Variants in PLEC observed in about 807,000 individuals in gnomAD.
PLEC encodes the protein hemidesmosomal protein 1.
Under a neutral mutation model 392.8 loss-of-function variants are expected in PLEC, and 216 were observed. The ratio of observed to expected loss-of-function variants is 0.55; its 90% CI spans 0.49 to 0.62. The LOEUF is 0.62. PLEC is among the 20% of genes least tolerant of loss of function. The pLI, the probability that PLEC is intolerant of heterozygous loss-of-function variation, is 0.00. For synonymous variants in PLEC, 3,621 were observed against 2,980.6 expected (o/e 1.21, Z -7.00); for missense variants, 6,863 against 6,563.4 (o/e 1.05, Z -1.58).
rs371090816 is a variant in PLEC, at chr8:143,921,971, G to T, written c.7850C>A (p.Ala2617Asp). ...GGTCTTTGTGGCAGCCACCTGCGAGGCAGTGACCTCCTCTGAGTGCGCCAG... is the reference window on the plus strand; with the variant it reads ...GGTCTTTGTGGCAGCCACCTGCGAGTCAGTGACCTCCTCTGAGTGCGCCAG... ...AALAHSEEVT[A>D]SQVAATKTLP... Residue 2617 changes from alanine to aspartate, a missense_variant, in exon 32 of 32, where the codon GCC (alanine) becomes GAC (aspartate). Coordinates refer to ENST00000345136, the MANE Select transcript of PLEC (RefSeq NM_201384.3). 4 of 1,598,718 alleles carry T rather than the reference G, an allele frequency of 2.5e-6. No individual in the cohort carries two copies. In the African/African-American group the frequency reaches 5.3e-5, roughly 21 times the overall value.
intron 12 of PLEC, among the ~76,000 whole-genome samples, chr8:143,933,791 C>T (rs1554719706): frequency 6.6e-6 from 1 of 152,204 alleles, no homozygotes; most frequent in African/African-American, 2.4e-5. Context: ...GGCCAGAAAC[C>T]AACTCTGCCC....
intron 1 of PLEC, chr8:143,944,874 G>A (rs1045065150): frequency 6.9e-5 from 34 of 492,124 alleles, no homozygotes; most frequent in Middle Eastern, 5.1e-4. Context: ...CGCAAGGACC[G>A]TCACCACCCA....
chr8:143,935,585 C>T (rs1386217960), intron 6 of PLEC, among the ~76,000 whole-genome samples: 1 of 152,210 alleles, frequency 6.6e-6, no homozygotes, highest in Non-Finnish European at 1.5e-5. Context: ...CAGGCCCCTC[C>T]GGAGGCGTCC....
intron 8 of PLEC, 32 bp from the exon 9 acceptor site, chr8:143,934,961 C>G (rs113289361): frequency 6.2e-7 from 1 of 1,610,372 alleles, no homozygotes; most frequent in African/African-American, 1.3e-5. Flanking sequence ...TGTCAGGGGT[C>G]GTCGGGGCGT....
In PLEC at chr8:143,923,192, C is replaced by T. The variant is rs1444747601; in HGVS notation, c.6737G>A (p.Arg2246His). The part of the protein sequence containing the change: ...QMEELSKLKA[R>H]IEAENRALIL... ...GAGTGCGCGGTTCTCAGCCTCGATG[C>T]GTGCCTTGAGCTTGCTCAGCTCCTC... The change falls in exon 31 of 32, where the codon CGC becomes CAC. Residue 2246 changes from arginine (R) to histidine (H), a missense_variant. By Grantham distance (29) the Arg-to-His change is conservative. Coordinates refer to ENST00000345136, the MANE Select transcript of PLEC (RefSeq NM_201384.3). The T allele has an allele frequency of 8.7e-6, 14 of 1,602,470 alleles. No individual in the cohort carries two copies. The highest frequency in any genetic ancestry group is 1.6e-4 in the Middle Eastern group (1 of 6,084).
intron 5 of PLEC, 71 bp from the exon 6 acceptor site, chr8:143,936,085 G>A (rs1321788033): frequency 6.4e-6 from 10 of 1,556,152 alleles, no homozygotes; most frequent in Non-Finnish European, 8.8e-6. Flanking sequence ...ACAGCCACAT[G>A]CACAGGGGCA....
chr8:143,918,496 G>A lies in PLEC; in HGVS notation c.11325C>T (p.Tyr3775=), dbSNP rs1554675449. 13 of 1,603,308 alleles carry A rather than the reference G, an allele frequency of 8.1e-6. No homozygotes were observed. Among genetic ancestry groups the A allele is most frequent in the Non-Finnish European group, 1.1e-5 (13 of 1,176,190 alleles). The change falls in exon 32 of 32, where the codon TAC becomes TAT. Residue 3775 remains tyrosine (Y), a synonymous_variant. Transcript: ENST00000345136. ...ERAVTGYRDP[Y]TEQTISLFQA... Reference sequence around the variant, plus strand: ...GGAAGAGCGAGATGGTCTGCTCGGTGTAGGGGTCACGGTAGCCGGTGACCG... The same window carrying A: ...GGAAGAGCGAGATGGTCTGCTCGGTATAGGGGTCACGGTAGCCGGTGACCG...
rs782820388 is a variant in PLEC, at chr8:143,929,151, A to T, written c.3212T>A (p.Leu1071Gln). The change falls in exon 25 of 32, where the codon CTG (leucine) becomes CAG (glutamine). Residue 1071 changes from leucine (L) to glutamine (Q), a missense_variant. Coordinates refer to ENST00000345136, the MANE Select transcript of PLEC (RefSeq NM_201384.3). ...PTLRSELELT[L>Q]GKLEQVRSLS... ...GCTGCGGACCTGCTCCAGCTTGCCC[A>T]GCGTCAGCTCCAGCTCCGAGCGCAG... 6.3e-7 allele frequency: 1 copy of T among 1,591,968 alleles called. No individual in the cohort carries two copies. The highest frequency in any genetic ancestry group is 1.1e-5 in the South Asian group (1 of 88,146).
In PLEC at chr8:143,925,652, C is replaced by T. The variant is rs1226948756; in HGVS notation, c.4277G>A (p.Arg1426Gln). ...RSIQEELQQLRQSSEAEIQAK... is the reference protein window; with the variant it reads ...RSIQEELQQLQQSSEAEIQAK... Reference sequence around the variant, plus strand: ...CTGGATCTCCGCCTCCGAGCTCTGCCGCAGCTGCTGCAGCTCCTCCTGAAT... The same window carrying T: ...CTGGATCTCCGCCTCCGAGCTCTGCTGCAGCTGCTGCAGCTCCTCCTGAAT... The change falls in exon 31 of 32, where the codon CGG becomes CAG. Residue 1426 changes from arginine (R) to glutamine (Q), a missense_variant. Arg to Gln is a conservative substitution (Grantham distance 43). Coordinates refer to ENST00000345136, the MANE Select transcript of PLEC (RefSeq NM_201384.3). The T allele has an allele frequency of 1.6e-5, 26 of 1,585,672 alleles. No homozygotes were observed. The highest frequency in any genetic ancestry group is 2.3e-5 in the East Asian group (1 of 44,206).
chr8:143,944,736 G>T, intron 1 of PLEC: 2 of 1,263,854 alleles, frequency 1.6e-6, no homozygotes, highest in Admixed American at 4.1e-5. Context: ...GCCCCTCGGA[G>T]GAGGCACAAG....
chr8:143,970,344 G>T (rs771449513), intron 1 of PLEC, among the ~76,000 whole-genome samples: 3 of 151,910 alleles, frequency 2.0e-5, no homozygotes, highest in African/African-American at 7.3e-5. Flanking sequence ...AAAGAAAAAC[G>T]GGGAGAGTCA....
chr8:143,965,759 G>A (rs1202600150), intron 1 of PLEC, among the ~76,000 whole-genome samples: 1 of 152,192 alleles, frequency 6.6e-6, no homozygotes, highest in Non-Finnish European at 1.5e-5. Flanking sequence ...CCTCAGTGGT[G>A]AGCAGCAGTC....
rs763651946 is a variant in PLEC, at chr8:143,924,931, C to T, written c.4998G>A (p.Lys1666=). Residue 1666 remains lysine, a synonymous_variant, in exon 31 of 32, where the codon AAG becomes AAA. Transcript: ENST00000345136. ...SLAQAEAEKQ[K]EEAEREARRR... Reference sequence around the variant, plus strand: ...GCCGCGCCTCGCGCTCCGCCTCCTCCTTCTGCTTCTCAGCCTCGGCCTGCG... The same window carrying T: ...GCCGCGCCTCGCGCTCCGCCTCCTCTTTCTGCTTCTCAGCCTCGGCCTGCG... The T allele has an allele frequency of 6.0e-5, 95 of 1,584,722 alleles. No homozygotes were observed. Among genetic ancestry groups the T allele is most frequent in the Non-Finnish European group, 7.5e-5 (88 of 1,173,480 alleles).
rs1206944270 is a variant in PLEC at position 143,925,145 on chromosome 8, G to A, written c.4784C>T (p.Ser1595Phe). 8 of 1,558,092 alleles carry A rather than the reference G, an allele frequency of 5.1e-6. No individual in the cohort carries two copies. Among genetic ancestry groups the A allele is most frequent in the East Asian group, 2.4e-5 (1 of 42,172 alleles). The change falls in exon 31 of 32, where the codon TCC becomes TTC. Residue 1595 changes from serine to phenylalanine, a missense_variant. Ser to Phe is a radical substitution (Grantham distance 155). Transcript: ENST00000345136. Reference protein sequence around the residue: ...FAEKTAQLERSLQEEHVAVAQ... With the variant: ...FAEKTAQLERFLQEEHVAVAQ... ...CACAGCCACGTGTTCCTCCTGCAGG[G>A]AGCGCTCCAGCTGTGCCGTCTTCTC...
rs537224810 is a variant in PLEC at position 143,933,281 on chromosome 8, G to A, written c.1334C>T (p.Ala445Val). 28 of 1,612,976 alleles carry A rather than the reference G, an allele frequency of 1.7e-5. No individual in the cohort carries two copies. In the South Asian group the frequency reaches 2.7e-4, roughly 16 times the overall value. The part of the protein sequence containing the change: ...AGEVERDLDK[A>V]DSMIRLLFND... ...GAAGAGCAGCCGGATCATGCTATCCGCCTTGTCCAAGTCCCGTTCCACCTC... is the reference window on the plus strand; with the variant it reads ...GAAGAGCAGCCGGATCATGCTATCCACCTTGTCCAAGTCCCGTTCCACCTC... Residue 445 changes from alanine (A) to valine (V), a missense_variant, in exon 13 of 32, where the codon GCG becomes GTG. Ala to Val is a moderately conservative substitution (Grantham distance 64). Transcript: ENST00000345136.
chr8:143,949,929 C>T (rs1021022407), intron 1 of PLEC, among the ~76,000 whole-genome samples: 2 of 152,196 alleles, frequency 1.3e-5, no homozygotes, highest in Admixed American at 1.3e-4. Context: ...GGGGGCGCCC[C>T]GGGGTGTGCC....
At chr8:143,951,423 T>C (rs1453055896), upstream of PLEC, among the ~76,000 whole-genome samples, 1 of 151,968 alleles carries the variant, frequency 6.6e-6, no homozygotes, top group Non-Finnish European at 1.5e-5. Context: ...CCACAGCACA[T>C]GAGGAGGGCT....
upstream of PLEC, among the ~76,000 whole-genome samples, chr8:143,956,102 C>T (rs1271106303): frequency 3.9e-5 from 6 of 152,032 alleles, no homozygotes; most frequent in East Asian, 1.2e-3. Context: ...TGTGTGCCAC[C>T]GCACCGGGCT....
rs782461083 is a variant in PLEC at position 143,919,800 on chromosome 8, G to A, written c.10021C>T (p.Leu3341Phe). ...LKDGKTTVKD[L>F]SELGSVRTLL... ...GTCCGCACGGAGCCCAGCTCCGAAA[G>A]GTCCTTGACCGTCGTCTTGCCGTCC... The change falls in exon 32 of 32, where the codon CTT (leucine) becomes TTT (phenylalanine). Residue 3341 changes from leucine to phenylalanine, a missense_variant. Transcript: ENST00000345136. 10 of 1,612,924 alleles carry A rather than the reference G, an allele frequency of 6.2e-6. No individual in the cohort carries two copies. The South Asian group carries it at 8.8e-5, about 14-fold the overall frequency.
Sources: gnomAD v4.1 joint callset for allele counts (sites outside exome capture counted in the v4.1 genomes callset) on GRCh38, gnomAD v4.1.1 for gene constraint, MANE v1.5 for transcripts, NCBI Gene and HGNC (gene_info 2026-07-23, HGNC 2026-07-21) for gene names.